RAMP1: variants seen among roughly 807,000 people sequenced by gnomAD.
RAMP1 encodes the protein receptor activity-modifying protein 1.
RAMP1 carries 7 observed loss-of-function variants against 8.2 expected under a neutral mutation model. That is an observed-to-expected ratio of 0.85 (90% CI 0.49 to 1.60). The LOEUF (loss-of-function observed/expected upper bound fraction) is 1.60. Among genes scored for constraint, RAMP1 ranks in the 40% most tolerant of loss-of-function variants. The pLI is 0.00. For missense variants in RAMP1, 192 were observed against 202.4 expected, an observed-to-expected ratio of 0.95 and a Z score of 0.31; for synonymous variants, 92 against 84.7, an observed-to-expected ratio of 1.09 and a Z score of -0.47.
Position 237,885,810 on chromosome 2 carries a change from C to G in RAMP1, c.191+8448C>G, listed in dbSNP as rs182332564. On this transcript the variant is annotated intron_variant, in intron 2 of 2. Coordinates refer to ENST00000254661, the MANE Select transcript of RAMP1 (RefSeq NM_005855.4). ...GTCTGTTCCCCCACCCTCTGCCCCC[C>G]CTGGGTGGGAGAATCTTTCCAGGCA... Among the ~76,000 whole-genome samples the G allele has an allele frequency of 1.9e-4, 29 of 152,368 alleles. No homozygotes were observed. The East Asian group carries it at 2.5e-3, about 13-fold the overall frequency.
rs2062183660 is a variant in RAMP1 at position 237,865,952 on chromosome 2, G to A, written c.52+6225G>A. 6.6e-6 allele frequency among the ~76,000 whole-genome samples: 1 copy of A among 152,172 alleles called. No individual in the cohort carries two copies. The highest frequency in any genetic ancestry group is 2.4e-5 in the African/African-American group (1 of 41,434). ...GAAACCAGAGAGCATGCCTGTGTAGGTTTCCTCCAGTGCCTTATGGTTCTA... is the reference window on the plus strand; with the variant it reads ...GAAACCAGAGAGCATGCCTGTGTAGATTTCCTCCAGTGCCTTATGGTTCTA... On this transcript the variant is annotated intron_variant, in intron 1 of 2. Transcript: ENST00000254661. This position sits in a 1 kb window ranked among gnomAD's most constrained non-coding sequence, Gnocchi z 4.2.
At chr2:237,902,803 C>A (rs753967718) in intron 2 of RAMP1, among the ~76,000 whole-genome samples, 1 of 152,192 alleles carries the variant, frequency 6.6e-6, no homozygotes, top group Non-Finnish European at 1.5e-5. Context: ...TTCCTGTGAG[C>A]CTTCCTGCTA....
intron 2 of RAMP1, among the ~76,000 whole-genome samples, chr2:237,910,555 T>TCA (rs986192108): frequency 1.6e-4 from 22 of 141,474 alleles, no homozygotes; most frequent in Non-Finnish European, 2.6e-4. Flanking sequence ...AGAATAACAG[T>TCA]CACACACACA....
rs1466291731 is a variant in RAMP1 at position 237,877,957 on chromosome 2, GC to G, written c.191+600del. ...CCTCCCTCAGCCTCCTGGGTGCTGG[GC>G]CCCCATCAGCAGGCCGGGGGGTTCT... On this transcript the variant is annotated intron_variant, in intron 2 of 2. Coordinates refer to ENST00000254661, the MANE Select transcript of RAMP1 (RefSeq NM_005855.4). The surrounding 1 kb of genome is among the most constrained non-coding windows in gnomAD (Gnocchi z 4.4). 3.0e-6 allele frequency: 3 copies of G among 985,300 alleles called. No homozygotes were observed. Among genetic ancestry groups the G allele is most frequent in the Middle Eastern group, 1.0e-3 (2 of 1,936 alleles). 61.0% of individuals were successfully genotyped at this position (985,300 alleles called of 1,614,324 possible).
chr2:237,865,209 G>C lies in RAMP1; in HGVS notation c.52+5482G>C, dbSNP rs2062174455. 1.3e-5 allele frequency among the ~76,000 whole-genome samples: 2 copies of C among 150,860 alleles called. No homozygotes were observed. The highest frequency in any genetic ancestry group is 4.9e-5 in the African/African-American group (2 of 41,050). On this transcript the variant is annotated intron_variant, in intron 1 of 2. Coordinates refer to ENST00000254661, the MANE Select transcript of RAMP1 (RefSeq NM_005855.4). This position sits in a 1 kb window ranked among gnomAD's most constrained non-coding sequence, Gnocchi z 4.2. ...AAGTGAGGCAGCGCTGAGGAATGAA[G>C]AACAGCACCTGGCAGAGCTCCTGGG...
In RAMP1 at chr2:237,877,413, G is replaced by A; in HGVS notation, c.191+51G>A. 6.3e-7 allele frequency: 1 copy of A among 1,577,366 alleles called. No individual in the cohort carries two copies. ...AGGACACGGTTGGGGAGGGAGAGGG[G>A]GCAAGCGGAGGAGGAGTGGACCACG... is the stretch of plus-strand genomic sequence containing the variant. On this transcript the variant is annotated intron_variant, in intron 2 of 2. Transcript: ENST00000254661. This position sits in a 1 kb window ranked among gnomAD's most constrained non-coding sequence, Gnocchi z 4.4.
intron 2 of RAMP1, among the ~76,000 whole-genome samples, chr2:237,887,144 C>T (rs78360242): frequency 0.072 from 10,920 of 152,226 alleles, 579 homozygotes; most frequent in East Asian, 0.15. Context: ...TGTGTGACAC[C>T]TCTGGCTGTG....
At chr2:237,886,920 A>AC (rs908061529) in intron 2 of RAMP1, among the ~76,000 whole-genome samples, 1 of 150,138 alleles carries the variant, frequency 6.7e-6, no homozygotes, top group African/African-American at 2.4e-5. Context: ...CTCAGCATCC[A>AC]CCCCCGCCTC....
At chr2:237,896,390 C>T (rs561199157) in intron 2 of RAMP1, among the ~76,000 whole-genome samples, 7 of 152,280 alleles carry the variant, frequency 4.6e-5, no homozygotes, top group East Asian at 1.9e-4. Flanking sequence ...TGGGCAGAGG[C>T]GCCCAGATTC....
chr2:237,892,735 T>TTCTCTCTCTCTC (rs35656622), intron 2 of RAMP1, among the ~76,000 whole-genome samples: 11 of 148,626 alleles, frequency 7.4e-5, no homozygotes, highest in African/African-American at 2.7e-4. Flanking sequence ...GGGCTTCCTC[T>TTCTCTCTCTCTC]TCTCTCTCTC....
Position 237,911,909 on chromosome 2 carries a change from AAGAGCTCACAGGAGT to A in RAMP1, c.*127_*141del. On this transcript the variant is annotated 3_prime_UTR_variant, in exon 3 of 3. Coordinates refer to ENST00000254661, the MANE Select transcript of RAMP1 (RefSeq NM_005855.4). ...CAATGCCCCCCTTCTTCCAGCCAAG[AAGAGCTCACAGGAGT>A]CCAGAGTAGCCGAGGCTCTGGTATT... 7.2e-7 allele frequency: 1 copy of A among 1,395,744 alleles called. No individual in the cohort carries two copies. 86.5% of individuals were successfully genotyped at this position (1,395,744 alleles called of 1,614,324 possible).
chr2:237,910,885 A>G (rs2062705482), intron 2 of RAMP1, among the ~76,000 whole-genome samples: 1 of 152,092 alleles, frequency 6.6e-6, no homozygotes, highest in African/African-American at 2.4e-5. Flanking sequence ...ACAGTCACAC[A>G]CAGTCACACA....
At position 237,909,991 on chromosome 2, in the gene RAMP1, C is replaced by T. The variant is rs563491963; in HGVS notation, c.192-1537C>T. Among the ~76,000 whole-genome samples, 7 of 152,270 alleles carry T rather than the reference C, an allele frequency of 4.6e-5. No homozygotes were observed. The South Asian group carries it at 6.2e-4, about 14-fold the overall frequency. ...CCAATGGCACACCCTCTGCCCGTGC[C>T]GCCCAGGCCCCTGGCTCGGCACGGC... On this transcript the variant is annotated intron_variant, in intron 2 of 2. Transcript: ENST00000254661.
At chr2:237,890,058 C>T (rs1244623316) in intron 2 of RAMP1, among the ~76,000 whole-genome samples, 4 of 152,214 alleles carry the variant, frequency 2.6e-5, no homozygotes, top group African/African-American at 9.6e-5. Flanking sequence ...TGCGGCCTCC[C>T]CAGTAAAATG....
At chr2:237,901,112 C>T (rs2062592810) in intron 2 of RAMP1, among the ~76,000 whole-genome samples, 1 of 152,246 alleles carries the variant, frequency 6.6e-6, no homozygotes, top group Non-Finnish European at 1.5e-5. Flanking sequence ...CCCCATCAGC[C>T]CCACTGATGG....
chr2:237,866,076 A>AAT (rs1260171734), intron 1 of RAMP1, among the ~76,000 whole-genome samples: 1 of 151,992 alleles, frequency 6.6e-6, no homozygotes, highest in Non-Finnish European at 1.5e-5. Context: ...AATTGCACTG[A>AAT]ATGTATTAAC....
intron 2 of RAMP1, among the ~76,000 whole-genome samples, chr2:237,900,813 G>C (rs768221134): frequency 6.6e-6 from 1 of 152,004 alleles, no homozygotes; most frequent in Non-Finnish European, 1.5e-5. Context: ...ATTGTAGCCT[G>C]AGAATATTGA....
chr2:237,883,259 A>C (rs1335292733), intron 2 of RAMP1, among the ~76,000 whole-genome samples: 1 of 152,168 alleles, frequency 6.6e-6, no homozygotes, highest in Admixed American at 6.5e-5. Flanking sequence ...GGAAGCTTCC[A>C]GACTCTTCTG....
At chr2:237,902,529 C>T (rs1386962902) in intron 2 of RAMP1, among the ~76,000 whole-genome samples, 2 of 152,082 alleles carry the variant, frequency 1.3e-5, no homozygotes, top group African/African-American at 4.8e-5. Context: ...CCACCCCGCA[C>T]CCCCACTCAC....
Sources: allele counts gnomAD v4.1 joint callset (sites outside exome capture counted in the v4.1 genomes callset), GRCh38; gene constraint gnomAD v4.1.1; non-coding constraint Gnocchi (gnomAD v3.1); transcripts MANE v1.5; gene names NCBI Gene and HGNC (gene_info 2026-07-23, HGNC 2026-07-21).